Variants in TUBGCP2 observed in about 807,000 individuals in gnomAD.
TUBGCP2 encodes the protein gamma-tubulin complex component 2.
TUBGCP2 carries 55 observed loss-of-function variants against 92.2 expected under a neutral mutation model. That is an observed-to-expected ratio of 0.60 (90% CI 0.48 to 0.75). The LOEUF (loss-of-function observed/expected upper bound fraction) is 0.75, where lower values mean the gene tolerates loss of function less well. TUBGCP2 is among the 30% of genes least tolerant of loss of function. The pLI is 0.00. For missense variants in TUBGCP2, 1,093 were observed against 1,188.9 expected (o/e 0.92, Z 1.19); for synonymous variants, 533 against 505.2 (o/e 1.06, Z -0.74).
At chr10:133,292,737 G>GC in intron 7 of TUBGCP2, 49 bp from the exon 8 acceptor site, 1 of 1,567,410 alleles carries the variant, frequency 6.4e-7, no homozygotes, top group South Asian at 1.2e-5. Context: ...CGCACGCCCA[G>GC]CCTCTGCCAA....
upstream of TUBGCP2, chr10:133,311,733 C>G (rs200152907): frequency 6.2e-7 from 1 of 1,613,350 alleles, no homozygotes; most frequent in Non-Finnish European, 8.5e-7. Flanking sequence ...TCAGCAGAAG[C>G]CCCAGGGGAC....
At chr10:133,283,649 T>G (rs1315977429) in intron 14 of TUBGCP2, among the ~76,000 whole-genome samples, 1 of 143,322 alleles carries the variant, frequency 7.0e-6, no homozygotes, top group African/African-American at 3.0e-5. Context: ...GCCCTGCCTC[T>G]CCTGCACTCC....
upstream of TUBGCP2, chr10:133,309,192 C>T (rs1426798606): frequency 4.4e-6 from 6 of 1,366,726 alleles, no homozygotes; most frequent in South Asian, 6.5e-5. Context: ...GGGCCTACGA[C>T]TGCGGGGCGG....
chr10:133,284,134 C>T (rs181023354), intron 13 of TUBGCP2, 132 bp from the exon 14 acceptor site: 5 of 1,403,514 alleles, frequency 3.6e-6, no homozygotes, highest in Admixed American at 2.5e-5. Context: ...GCAGAGCAAG[C>T]GCCCCTCCCA....
chr10:133,291,107 A>G (rs1847275291), intron 8 of TUBGCP2: 1 of 291,802 alleles, frequency 3.4e-6, no homozygotes, highest in South Asian at 6.8e-5. Context: ...ACACAAAAGA[A>G]TAAGGCCATA....
upstream of TUBGCP2, chr10:133,309,633 A>T: frequency 7.9e-7 from 1 of 1,267,818 alleles, no homozygotes; most frequent in Non-Finnish European, 1.1e-6. Context: ...CCTGTTTGTG[A>T]AACTTAATTC....
upstream of TUBGCP2, chr10:133,310,551 G>A (rs1010682265): frequency 2.6e-5 from 13 of 497,616 alleles, no homozygotes; most frequent in East Asian, 1.5e-4. Flanking sequence ...GGGAATGAGC[G>A]GGCGCAGCGC....
intron 13 of TUBGCP2, 68 bp from the exon 14 acceptor site, chr10:133,284,070 C>T (rs553521494): frequency 1.6e-5 from 26 of 1,576,806 alleles, no homozygotes; most frequent in East Asian, 6.8e-5. Context: ...CCAAGTGACA[C>T]GGAGGACGGA....
In TUBGCP2 at chr10:133,289,474, G is replaced by A. The variant is rs562466211; in HGVS notation, c.1360+350C>T. Among the ~76,000 whole-genome samples the A allele has an allele frequency of 5.3e-5, 8 of 152,262 alleles. No individual in the cohort carries two copies. The East Asian group carries it at 5.8e-4, about 11-fold the overall frequency. The stretch of plus-strand genomic sequence containing the variant: ...GTGGTCAGAGATAGGAAACACTGCC[G>A]GCCGCCAGGCGTGTGTCTTTGCTGG... On this transcript the variant is annotated intron_variant, in intron 9 of 17. Coordinates refer to ENST00000252936, the MANE Select transcript of TUBGCP2 (RefSeq NM_006659.4).
At chr10:133,301,742 TC>T (rs1270494703) in intron 2 of TUBGCP2, 1 of 100,210 alleles carries the variant, frequency 1.0e-5, no homozygotes, top group East Asian at 3.6e-4. Flanking sequence ...AGACAGAGTC[TC>T]ACTCTGACGC....
At chr10:133,286,037 C>T (rs962755826) in intron 11 of TUBGCP2, among the ~76,000 whole-genome samples, 2 of 152,076 alleles carry the variant, frequency 1.3e-5, no homozygotes, top group African/African-American at 4.8e-5. Context: ...ACTGTCCTCA[C>T]GTTAATCACT....
intron 10 of TUBGCP2, 89 bp from the exon 11 acceptor site, chr10:133,288,398 G>T (rs1589825233): frequency 4.0e-6 from 6 of 1,490,614 alleles, no homozygotes; most frequent in Non-Finnish European, 5.4e-6. Flanking sequence ...CCACCCGCAG[G>T]TGCCCGCCAC....
chr10:133,297,930 C>A (rs373467250), intron 5 of TUBGCP2, 22 bp downstream of exon 5: 1 of 1,608,726 alleles, frequency 6.2e-7, no homozygotes, highest in Non-Finnish European at 8.5e-7. Context: ...CGGCAGAGCC[C>A]GGAAATCAAC....
chr10:133,307,053 G>A (rs868193265), intron 1 of TUBGCP2, among the ~76,000 whole-genome samples: 3 of 152,202 alleles, frequency 2.0e-5, no homozygotes, highest in Non-Finnish European at 2.9e-5. Context: ...GGGCAAGGGC[G>A]GGGGATGCTA....
upstream of TUBGCP2, chr10:133,309,344 G>T (rs891090442): frequency 6.3e-7 from 1 of 1,588,538 alleles, no homozygotes; most frequent in South Asian, 1.1e-5. Context: ...CGCGGTGGGC[G>T]TGCCGCGAGT....
intron 10 of TUBGCP2, 127 bp downstream of exon 10, chr10:133,288,713 C>T (rs1313454484): frequency 1.8e-6 from 2 of 1,100,394 alleles, no homozygotes; most frequent in Non-Finnish European, 2.5e-6. Flanking sequence ...GACCATCCAG[C>T]AGTGCCCACT....
In TUBGCP2 at chr10:133,299,588, G is replaced by T. The variant is rs749504182; in HGVS notation, c.295C>A (p.Gln99Lys). ...TEDKETLQYL[Q>K]QNAKERAELA... Reference sequence around the variant, plus strand: ...TCAGCTCTTTCTTTTGCATTCTGTTGTAAGTACTGCAGAGTCTGAAAACAT... The same window carrying T: ...TCAGCTCTTTCTTTTGCATTCTGTTTTAAGTACTGCAGAGTCTGAAAACAT... Residue 99 changes from glutamine to lysine, a missense_variant, in exon 4 of 18, where the codon CAA becomes AAA. Physicochemically the swap from Gln to Lys is moderately conservative, Grantham distance 53. Around this residue, in one of 3 missense-constraint regions of TUBGCP2, gnomAD observed 490 missense variants for 488.5 expected, o/e 1.00. Transcript: ENST00000252936. 1.9e-6 allele frequency: 3 copies of T among 1,611,168 alleles called. No individual in the cohort carries two copies. The highest frequency in any genetic ancestry group is 2.5e-6 in the Non-Finnish European group (3 of 1,178,308).
At position 133,302,815 on chromosome 10, in the gene TUBGCP2, T is replaced by C. The variant is rs1417811182; in HGVS notation, c.127A>G (p.Thr43Ala). Residue 43 changes from threonine to alanine, a missense_variant, in exon 2 of 18, where the codon ACT (threonine) becomes GCT (alanine). By Grantham distance (58) the Thr-to-Ala change is moderately conservative (BLOSUM62 0). This residue lies in a region of TUBGCP2 where 490 missense variants were observed against 488.5 expected (regional missense o/e 1.00). Transcript: ENST00000252936. ...QKNRTPYVTT[T>A]VSAHSAKVKI... is the part of the protein sequence containing the mutation. ...ACCTTGGCACTGTGAGCAGAGACAG[T>C]GGTAGTGACGTACGGGGTCCTGTTC... 1.3e-5 allele frequency: 21 copies of C among 1,612,770 alleles called. No individual in the cohort carries two copies. Among genetic ancestry groups the C allele is most frequent in the African/African-American group, 2.7e-5 (2 of 74,876 alleles).
intron 5 of TUBGCP2, 57 bp from the exon 6 acceptor site, chr10:133,293,826 C>A: frequency 1.4e-6 from 2 of 1,480,544 alleles, no homozygotes; most frequent in Admixed American, 2.0e-5. Flanking sequence ...CCCCCACAGC[C>A]ACGTGCCCTC....
Sources: allele counts gnomAD v4.1 joint callset (sites outside exome capture counted in the v4.1 genomes callset), GRCh38; gene constraint gnomAD v4.1.1; regional missense constraint gnomAD v4.1.1; transcripts MANE v1.5; gene names NCBI Gene and HGNC (gene_info 2026-07-23, HGNC 2026-07-21).